RAD52: variants seen among roughly 807,000 people sequenced by gnomAD.
RAD52 encodes the protein DNA repair protein RAD52 homolog.
RAD52 carries 47 observed loss-of-function variants against 55.5 expected under a neutral mutation model. The observed-to-expected ratio is 0.85, with a 90% CI of 0.67 to 1.08. The LOEUF is 1.08. RAD52 is among the 50% of genes least tolerant of loss of function. The pLI, the probability that RAD52 is intolerant of heterozygous loss-of-function variation, is 0.00. For missense variants in RAD52, 468 were observed against 522.8 expected (o/e 0.90, Z 1.02); for synonymous variants, 184 against 198.9 (o/e 0.92, Z 0.63).
chr12:971,809 G>A (rs60436621), intron 1 of RAD52, among the ~76,000 whole-genome samples: 5,495 of 151,780 alleles, frequency 0.036, 265 homozygotes, highest in African/African-American at 0.11. Flanking sequence ...GTGCAGTGGC[G>A]CGATCTCGGC....
chr12:956,719 G>A (rs1231963848), intron 1 of RAD52, among the ~76,000 whole-genome samples: 1 of 152,112 alleles, frequency 6.6e-6, no homozygotes, highest in African/African-American at 2.4e-5. Flanking sequence ...GCTAATTTTT[G>A]TATTTTTAGT....
intron 1 of RAD52, among the ~76,000 whole-genome samples, chr12:973,677 C>T (rs1303541949): frequency 6.6e-6 from 1 of 151,648 alleles, no homozygotes; most frequent in Non-Finnish European, 1.5e-5. Flanking sequence ...AGGGGTCTCA[C>T]CATATTGTGC....
chr12:960,516 A>G (rs947300258), intron 1 of RAD52, among the ~76,000 whole-genome samples: 7 of 152,168 alleles, frequency 4.6e-5, no homozygotes, highest in Non-Finnish European at 1.0e-4. Context: ...CCCAGGCTGG[A>G]GCTGCACTCG....
chr12:989,356 A>T (rs1959138860), intron 1 of RAD52, among the ~76,000 whole-genome samples: 1 of 151,752 alleles, frequency 6.6e-6, no homozygotes, highest in Non-Finnish European at 1.5e-5. Context: ...CATGTCAAAT[A>T]AAAAAAAATT....
intron 1 of RAD52, among the ~76,000 whole-genome samples, chr12:986,404 G>A (rs1384348871): frequency 6.6e-6 from 1 of 152,042 alleles, no homozygotes; most frequent in African/African-American, 2.4e-5. Flanking sequence ...TCACCCTGTT[G>A]CCCAGGCTGG....
At chr12:985,890 T>C (rs1443047309) in intron 1 of RAD52, among the ~76,000 whole-genome samples, 2 of 152,018 alleles carry the variant, frequency 1.3e-5, no homozygotes, top group South Asian at 2.1e-4. Flanking sequence ...TCCACCCGCC[T>C]TGGCCTCCCA....
At chr12:950,526 C>G (rs980201368), upstream of RAD52, among the ~76,000 whole-genome samples, 1 of 151,362 alleles carries the variant, frequency 6.6e-6, no homozygotes, top group Non-Finnish European at 1.5e-5. Context: ...GAGCCGAGAT[C>G]GCCCCACTGC....
At chr12:970,186 G>A (rs6489772) in intron 1 of RAD52, among the ~76,000 whole-genome samples, 151,084 of 151,996 alleles carry the variant, frequency 0.99, 75,104 homozygotes, top group East Asian at 1. Context: ...AGGTGCCTGT[G>A]ATCCCAGCTA....
chr12:978,689 G>A (rs1046566075), intron 1 of RAD52, among the ~76,000 whole-genome samples: 6 of 151,968 alleles, frequency 3.9e-5, no homozygotes, highest in African/African-American at 1.5e-4. Context: ...TGTAGTCCCA[G>A]CTACTCGGGA....
At chr12:991,018 G>A (rs889650470), upstream of RAD52, 1 of 151,970 alleles carries the variant, frequency 6.6e-6, no homozygotes, top group Admixed American at 6.6e-5. Flanking sequence ...CGACCGCCGT[G>A]GCGCCGATTT....
chr12:913,955 T>A lies in RAD52; in HGVS notation c.1134A>T (p.Lys378Asn). The A allele has an allele frequency of 3.1e-6, 5 of 1,614,160 alleles. No individual in the cohort carries two copies. The highest frequency in any genetic ancestry group is 4.2e-6 in the Non-Finnish European group (5 of 1,180,022). The change falls in exon 11 of 12, where the codon AAA becomes AAT. Residue 378 changes from lysine (K) to asparagine (N), a missense_variant. Transcript: ENST00000358495. ...CCCAAGATCCAGATTTTGCTTGTGG[T>A]TTCTGGTGGCAAACGCTGTGTGGAG... is the stretch of plus-strand genomic sequence containing the variant. ...NRTPHSVCHQ[K>N]PQAKSGSWDL...
intron 1 of RAD52, chr12:989,755 G>A (rs1959156553): frequency 6.6e-6 from 1 of 152,212 alleles, no homozygotes; most frequent in Non-Finnish European, 1.5e-5. Context: ...CAAGTAGACA[G>A]TGGGAGAATG....
At chr12:947,302 G>C (rs972884840) in intron 1 of RAD52, among the ~76,000 whole-genome samples, 1 of 150,100 alleles carries the variant, frequency 6.7e-6, no homozygotes, top group Admixed American at 6.7e-5. Flanking sequence ...GTCCAGCCTG[G>C]GCAACAAGAG....
chr12:951,011 C>G (rs1164769851), upstream of RAD52, among the ~76,000 whole-genome samples: 5 of 152,146 alleles, frequency 3.3e-5, no homozygotes, highest in Non-Finnish European at 7.4e-5. Flanking sequence ...CTCAGCCTCC[C>G]AAAGTGCTGG....
chr12:957,584 G>A (rs554036832), intron 1 of RAD52, among the ~76,000 whole-genome samples: 3 of 151,782 alleles, frequency 2.0e-5, no homozygotes, highest in South Asian at 2.1e-4. Flanking sequence ...CCAGGAGTTC[G>A]AGATCATCCT....
At chr12:982,682 G>A (rs975616798) in intron 1 of RAD52, among the ~76,000 whole-genome samples, 2 of 140,776 alleles carry the variant, frequency 1.4e-5, no homozygotes, top group East Asian at 4.1e-4. Flanking sequence ...TTTTTGGCGG[G>A]GGGGACAGGG....
At chr12:928,901 T>C (rs550781899) in intron 5 of RAD52, among the ~76,000 whole-genome samples, 2 of 152,242 alleles carry the variant, frequency 1.3e-5, no homozygotes, top group South Asian at 2.1e-4. Context: ...AACTTTTCTT[T>C]TTTTCCACCC....
intron 1 of RAD52, among the ~76,000 whole-genome samples, chr12:985,255 C>T (rs988714212): frequency 1.4e-4 from 22 of 152,196 alleles, no homozygotes; most frequent in Non-Finnish European, 5.9e-5. Flanking sequence ...ATCCTTCTGT[C>T]TCAGCCTCAC....
chr12:981,774 A>ATAAAATAAAATAAAG (rs1486276116), intron 1 of RAD52, among the ~76,000 whole-genome samples: 1 of 150,216 alleles, frequency 6.7e-6, no homozygotes, highest in African/African-American at 2.4e-5. Context: ...AAATAAATAA[A>ATAAAATAAAATAAAG]TAAAATAAAA....
Sources: gnomAD v4.1 joint callset for allele counts (sites outside exome capture counted in the v4.1 genomes callset) on GRCh38, gnomAD v4.1.1 for gene constraint, MANE v1.5 for transcripts, NCBI Gene and HGNC (gene_info 2026-07-23, HGNC 2026-07-21) for gene names.